The following MTDH variants were observed in gnomAD, a reference collection of about 807,000 sequenced individuals.
MTDH encodes the protein metadherin.
MTDH carries 34 observed loss-of-function variants against 72.7 expected under a neutral mutation model. The ratio of observed to expected loss-of-function variants is 0.47; its 90% CI spans 0.36 to 0.62. The LOEUF is 0.62. MTDH is among the 20% of genes least tolerant of loss of function. The probability of loss-of-function intolerance (pLI) is 0.00; values close to 1 mark genes in which losing one functional copy is unlikely to be tolerated. For missense variants in MTDH, 677 were observed against 699.4 expected (o/e 0.97, Z 0.36); for synonymous variants, 266 against 268.9 (o/e 0.99, Z 0.10).
rs1222445465 is a variant in MTDH, at chr8:97,644,608, C to A, written c.102C>A (p.Thr34=). Residue 34 remains threonine (T), a synonymous_variant, in exon 1 of 12, where the codon ACC becomes ACA. Coordinates refer to ENST00000336273, the MANE Select transcript of MTDH (RefSeq NM_178812.4). ...MLSVGLGFLR[T]ELGLDLGLEP... ...CGGTCGGCCTAGGCTTTCTGCGCAC[C>A]GAGCTGGGCCTCGACCTGGGGCTGG... 1 of 1,609,558 alleles carries A rather than the reference C, an allele frequency of 6.2e-7. No individual in the cohort carries two copies. Among genetic ancestry groups the A allele is most frequent in the South Asian group, 1.1e-5 (1 of 90,678 alleles).
intron 2 of MTDH, among the ~76,000 whole-genome samples, chr8:97,684,654 G>A (rs1281523943): frequency 2.0e-5 from 3 of 152,182 alleles, no homozygotes; most frequent in African/African-American, 7.2e-5. Flanking sequence ...TGTTCAATAT[G>A]TTACCTTTAC....
chr8:97,650,528 G>T (rs1811730135), intron 1 of MTDH, among the ~76,000 whole-genome samples: 1 of 152,070 alleles, frequency 6.6e-6, no homozygotes, highest in African/African-American at 2.4e-5. Flanking sequence ...ACCTGCCTAG[G>T]CCTCCCAAAG....
intron 11 of MTDH, among the ~76,000 whole-genome samples, 196 bp from the exon 12 acceptor site, chr8:97,724,404 A>AT (rs1815275931): frequency 6.6e-6 from 1 of 152,220 alleles, no homozygotes; most frequent in Non-Finnish European, 1.5e-5. Context: ...GTTCAACCTA[A>AT]TAATACCATT....
chr8:97,717,626 C>A (rs1032155741), intron 9 of MTDH, among the ~76,000 whole-genome samples: 1 of 145,584 alleles, frequency 6.9e-6, no homozygotes, highest in Non-Finnish European at 1.5e-5. Flanking sequence ...TTTTTATCCC[C>A]CCCCCCCCAA....
At chr8:97,683,980 G>T (rs866154807) in intron 2 of MTDH, among the ~76,000 whole-genome samples, 1 of 151,990 alleles carries the variant, frequency 6.6e-6, no homozygotes, top group Non-Finnish European at 1.5e-5. Context: ...GCATGGTAGC[G>T]CATGCCTGTA....
chr8:97,686,430 G>GTTT (rs1813365584), intron 2 of MTDH, among the ~76,000 whole-genome samples: 1 of 152,072 alleles, frequency 6.6e-6, no homozygotes. Flanking sequence ...ACCTTCTCCA[G>GTTT]CAAGTTTCTT....
chr8:97,689,047 A>T lies in MTDH; in HGVS notation c.755A>T (p.His252Leu), dbSNP rs1813478917. 8 of 1,561,270 alleles carry T rather than the reference A, an allele frequency of 5.1e-6. No homozygotes were observed. The highest frequency in any genetic ancestry group is 7.0e-6 in the Non-Finnish European group (8 of 1,139,512). The change falls in exon 5 of 12, where the codon CAT (histidine) becomes CTT (leucine). Residue 252 changes from histidine (H) to leucine (L), a missense_variant. Coordinates refer to ENST00000336273, the MANE Select transcript of MTDH (RefSeq NM_178812.4). ...VGSKKNKGDS[H>L]LNVQVSNFKS... ...TTTCTATTTTAACCAGGTGATTCTC[A>T]TCTAAATGTTCAAGTTAGCAACTTT... is the stretch of plus-strand genomic sequence containing the variant.
At chr8:97,711,498 A>G (rs1181470885) in intron 8 of MTDH, among the ~76,000 whole-genome samples, 1 of 152,012 alleles carries the variant, frequency 6.6e-6, no homozygotes, top group Non-Finnish European at 1.5e-5. Context: ...AACAAAACAA[A>G]CAAAACAAGG....
At chr8:97,724,325 T>TTTTATTAA (rs1815273354) in intron 11 of MTDH, among the ~76,000 whole-genome samples, 1 of 152,168 alleles carries the variant, frequency 6.6e-6, no homozygotes, top group South Asian at 2.1e-4. Flanking sequence ...CTTTTATTAG[T>TTTTATTAA]TAGGTTGAGC....
chr8:97,669,042 G>A (rs1449742773), intron 2 of MTDH, among the ~76,000 whole-genome samples: 1 of 152,014 alleles, frequency 6.6e-6, no homozygotes, highest in Non-Finnish European at 1.5e-5. Context: ...AGCCACATTG[G>A]TTTTCTTTCC....
chr8:97,699,287 C>T (rs992417471), intron 6 of MTDH, among the ~76,000 whole-genome samples: 5 of 151,416 alleles, frequency 3.3e-5, no homozygotes, highest in African/African-American at 1.2e-4. Flanking sequence ...GACTCTGTCT[C>T]GAAAAAAGAA....
At position 97,728,461 on chromosome 8, in the gene MTDH, T is replaced by A. The variant is rs752986715; in HGVS notation, c.*3791T>A. 6 of 152,184 alleles carry A rather than the reference T, an allele frequency of 3.9e-5. No homozygotes were observed. The highest frequency in any genetic ancestry group is 3.3e-4 in the Admixed American group (5 of 15,262). The allele number at this position is 152,184 out of a possible 1,614,324, so 9.4% of individuals were successfully genotyped here. A position where few individuals can be genotyped will look rare whatever the true frequency, so the allele number is the denominator to read the frequency against. ...CACACAATGTTCTCTACAGAAAACT[T>A]CTTCTATCTTATGTCATTTTAGCAG... On this transcript the variant is annotated 3_prime_UTR_variant, in exon 12 of 12. Coordinates refer to ENST00000336273, the MANE Select transcript of MTDH (RefSeq NM_178812.4).
intron 3 of MTDH, 64 bp downstream of exon 3, chr8:97,686,816 A>G: frequency 9.0e-7 from 1 of 1,112,794 alleles, no homozygotes; most frequent in Non-Finnish European, 1.3e-6. Flanking sequence ...AGTGTATTAT[A>G]TAAAAGCTGC....
chr8:97,715,315 A>G (rs1203262562), intron 9 of MTDH, among the ~76,000 whole-genome samples: 3 of 151,022 alleles, frequency 2.0e-5, no homozygotes, highest in Admixed American at 6.6e-5. Context: ...TTTAGTAGAG[A>G]GGGGATTTCA....
At chr8:97,659,693 A>C (rs1219209837) in intron 1 of MTDH, among the ~76,000 whole-genome samples, 1 of 152,234 alleles carries the variant, frequency 6.6e-6, no homozygotes, top group Middle Eastern at 3.2e-3. Flanking sequence ...GTAAGAACTG[A>C]AAATAAAGCC....
rs544239520 is a variant in MTDH at position 97,716,124 on chromosome 8, C to T, written c.1380+2355C>T. On this transcript the variant is annotated intron_variant, in intron 9 of 11. Coordinates refer to ENST00000336273, the MANE Select transcript of MTDH (RefSeq NM_178812.4). ...GGTTATGGCTGGGCGCGGTGGCTCA[C>T]GCCTATAATCCCAGCACTTTGGGAG... Among the ~76,000 whole-genome samples, 663 of 152,052 alleles carry T rather than the reference C, an allele frequency of 4.4e-3. 5 individuals carry two copies. Among genetic ancestry groups the T allele is most frequent in the Non-Finnish European group, 6.9e-3 (469 of 67,990 alleles).
chr8:97,713,220 G>A (rs909936433), intron 8 of MTDH, among the ~76,000 whole-genome samples: 35 of 152,114 alleles, frequency 2.3e-4, no homozygotes, highest in Non-Finnish European at 2.9e-5. Flanking sequence ...GAGTAGCTGG[G>A]ACTACAGGCG....
At chr8:97,663,007 G>A (rs185487374) in intron 2 of MTDH, among the ~76,000 whole-genome samples, 1 of 152,090 alleles carries the variant, frequency 6.6e-6, no homozygotes, top group East Asian at 1.9e-4. Context: ...GTAATGACTT[G>A]TGTTAACAAG....
At chr8:97,716,984 G>A (rs1345818098) in intron 9 of MTDH, among the ~76,000 whole-genome samples, 1 of 152,122 alleles carries the variant, frequency 6.6e-6, no homozygotes, top group African/African-American at 2.4e-5. Flanking sequence ...CAAACCCAAA[G>A]TCCTTTTTGG....
Sources: gnomAD v4.1 joint callset for allele counts (sites outside exome capture counted in the v4.1 genomes callset) on GRCh38, gnomAD v4.1.1 for gene constraint, MANE v1.5 for transcripts, NCBI Gene and HGNC (gene_info 2026-07-23, HGNC 2026-07-21) for gene names.